Variants in ENOX2 observed in about 807,000 individuals in gnomAD.
ENOX2 encodes the protein APK1 antigen.
In ENOX2, 36 loss-of-function variants were observed where a neutral mutation model predicts 45.0. The observed-to-expected ratio is 0.80, with a 90% CI of 0.61 to 1.06. The LOEUF (loss-of-function observed/expected upper bound fraction) is 1.06. ENOX2 is among the 50% of genes least tolerant of loss of function. The probability of loss-of-function intolerance (pLI) is 0.00; values close to 1 mark genes in which losing one functional copy is unlikely to be tolerated. For missense variants in ENOX2, 423 were observed against 462.5 expected (o/e 0.91, Z 0.78); for synonymous variants, 174 against 152.3 (o/e 1.14, Z -1.05).
intron 2 of ENOX2, among the ~76,000 whole-genome samples, chrX:130,889,036 A>G (rs746630522): frequency 7.2e-5 from 8 of 111,674 alleles, no homozygotes; most frequent in Non-Finnish European, 1.3e-4. Context: ...ATCTAAATCC[A>G]CAAGGTAAAA....
In ENOX2 at chrX:130,799,975, GT is replaced by G. The variant is rs1410677603; in HGVS notation, c.-182-16286del. On this transcript the variant is annotated intron_variant, in intron 2 of 14. Coordinates refer to ENST00000394363, the MANE Select transcript of ENOX2 (RefSeq NM_006375.4). ...AGAACATGTAAGGAAGCACAGAACA[GT>G]TTTTTTTTAATGATGTTTAAATACC... 2.2e-4 allele frequency among the ~76,000 whole-genome samples: 24 copies of G among 109,602 alleles called. 1 individual carries two copies. Among genetic ancestry groups the G allele is most frequent in the African/African-American group, 7.6e-4 (23 of 30,281 alleles).
chrX:130,660,916 C>T (rs1474190016), intron 9 of ENOX2, among the ~76,000 whole-genome samples: 1 of 111,995 alleles, frequency 8.9e-6, no homozygotes, highest in Non-Finnish European at 1.9e-5. Flanking sequence ...TCACACACTA[C>T]TCTATAATGG....
At position 130,656,674 on chromosome X, in the gene ENOX2, CATT is replaced by C; in HGVS notation, c.1033_1035del (p.Asn345del). Reference sequence around the variant, plus strand: ...TCTCGCCTGATTCCCATTAATTCATCATTATGAATGTTGCGAATTTCCTAAGGT... The same window carrying C: ...TCTCGCCTGATTCCCATTAATTCATCATGAATGTTGCGAATTTCCTAAGGT... On this transcript the variant is annotated inframe_deletion, in exon 10 of 15. Coordinates refer to ENST00000394363, the MANE Select transcript of ENOX2 (RefSeq NM_006375.4). 1 of 1,141,362 alleles carries C rather than the reference CATT, an allele frequency of 8.8e-7. No individual in the cohort carries two copies. Among genetic ancestry groups the C allele is most frequent in the Non-Finnish European group, 1.2e-6 (1 of 837,678 alleles). The allele number at this position is 1,141,362 out of a possible 1,213,427, so 94.1% of individuals were successfully genotyped here. A position where few individuals can be genotyped will look rare whatever the true frequency, so the allele number is the denominator to read the frequency against.
intron 2 of ENOX2, among the ~76,000 whole-genome samples, chrX:130,848,121 T>C (rs1476351324): frequency 8.9e-6 from 1 of 111,971 alleles, no homozygotes; most frequent in Non-Finnish European, 1.9e-5. Context: ...CACAAACCCC[T>C]AGGTTTTAAA....
intron 2 of ENOX2, among the ~76,000 whole-genome samples, chrX:130,808,903 A>G (rs752904467): frequency 2.8e-4 from 31 of 112,221 alleles, no homozygotes; most frequent in Non-Finnish European, 5.5e-4. Flanking sequence ...TACTAATTTT[A>G]TATCTTTCTT....
chrX:130,705,433 T>A (rs1425074105), intron 3 of ENOX2, among the ~76,000 whole-genome samples: 2 of 112,075 alleles, frequency 1.8e-5, no homozygotes, highest in Admixed American at 9.4e-5. Context: ...AACACAGTAT[T>A]GTTATTTTCA....
intron 2 of ENOX2, among the ~76,000 whole-genome samples, chrX:130,886,572 C>G (rs2078906789): frequency 8.9e-6 from 1 of 112,043 alleles, no homozygotes; most frequent in Admixed American, 9.4e-5. Flanking sequence ...ACTTAAGAAA[C>G]ACTTTTGATC....
At chrX:130,737,765 G>A (rs1308089768) in intron 3 of ENOX2, among the ~76,000 whole-genome samples, 1 of 111,805 alleles carries the variant, frequency 8.9e-6, no homozygotes, top group Non-Finnish European at 1.9e-5. Context: ...GACACCTGAG[G>A]AACAGTCCAC....
chrX:130,624,151 TCCACCAAGCA>T lies in ENOX2; in HGVS notation c.*1153_*1162del, dbSNP rs2035484633. 1 of 110,714 alleles carries T rather than the reference TCCACCAAGCA, an allele frequency of 9.0e-6. No individual in the cohort carries two copies. The highest frequency in any genetic ancestry group is 3.8e-4 in the South Asian group (1 of 2,603). 9.1% of individuals were successfully genotyped at this position (110,714 alleles called of 1,213,427 possible). On this transcript the variant is annotated 3_prime_UTR_variant, in exon 15 of 15. Transcript: ENST00000394363. Reference sequence around the variant, plus strand: ...AAACCTCCATCCTCTCTGTTTACTTTCCACCAAGCAGAAGTTTCTGAATGGTCCACTCACA... The same window carrying T: ...AAACCTCCATCCTCTCTGTTTACTTTGAAGTTTCTGAATGGTCCACTCACA...
At chrX:130,722,138 G>A (rs1274490484) in intron 3 of ENOX2, among the ~76,000 whole-genome samples, 1 of 111,819 alleles carries the variant, frequency 8.9e-6, no homozygotes, top group African/African-American at 3.3e-5. Context: ...GTCAAAGGGG[G>A]TGAGCTGGAA....
chrX:130,624,625 A>G lies in ENOX2; in HGVS notation c.*689T>C, dbSNP rs1311700659. On this transcript the variant is annotated 3_prime_UTR_variant, in exon 15 of 15. Transcript: ENST00000394363. The stretch of plus-strand genomic sequence containing the variant: ...CATGAACACATGCCAGTCATACTGG[A>G]TACTTGCTTTCTGTAAACACATCTA... The G allele has an allele frequency of 8.8e-6, 1 of 113,000 alleles. No individual in the cohort carries two copies. The highest frequency in any genetic ancestry group is 3.2e-5 in the African/African-American group (1 of 31,046). The allele number at this position is 113,000 out of a possible 1,213,427, so 9.3% of individuals were successfully genotyped here. A position where few individuals can be genotyped will look rare whatever the true frequency, so the allele number is the denominator to read the frequency against.
chrX:130,825,240 A>G (rs2077697317), intron 2 of ENOX2, among the ~76,000 whole-genome samples: 1 of 111,718 alleles, frequency 9.0e-6, no homozygotes. Context: ...TAGAGTGAAA[A>G]AAGCAAGTTA....
chrX:130,883,738 C>T (rs2078858355), intron 2 of ENOX2, among the ~76,000 whole-genome samples: 2 of 110,995 alleles, frequency 1.8e-5, no homozygotes, highest in South Asian at 7.8e-4. Flanking sequence ...CCCTTCACTC[C>T]TCTAAAACAC....
chrX:130,768,651 G>C (rs1400849189), intron 3 of ENOX2, among the ~76,000 whole-genome samples: 2 of 111,849 alleles, frequency 1.8e-5, no homozygotes, highest in African/African-American at 6.5e-5. Flanking sequence ...AACCATGAGT[G>C]GCCACAGAAA....
intron 10 of ENOX2, among the ~76,000 whole-genome samples, chrX:130,653,823 G>C (rs2036471079): frequency 8.9e-6 from 1 of 112,376 alleles, no homozygotes; most frequent in African/African-American, 3.2e-5. Flanking sequence ...AAGGAGATTA[G>C]ATTAATATTA....
intron 3 of ENOX2, among the ~76,000 whole-genome samples, chrX:130,739,266 C>T (rs1191695149): frequency 2.7e-5 from 3 of 112,350 alleles, no homozygotes; most frequent in Admixed American, 9.4e-5. Flanking sequence ...GTGAGCCACA[C>T]GATCACGAGG....
chrX:130,706,539 T>G (rs2038041777), intron 3 of ENOX2, among the ~76,000 whole-genome samples: 1 of 112,197 alleles, frequency 8.9e-6, no homozygotes, highest in African/African-American at 3.2e-5. Context: ...ATTGTTATTG[T>G]GTACATGTCT....
At chrX:130,860,025 G>A (rs938577311) in intron 2 of ENOX2, among the ~76,000 whole-genome samples, 3 of 108,516 alleles carry the variant, frequency 2.8e-5, no homozygotes, top group Non-Finnish European at 5.7e-5. Flanking sequence ...GCACGATCTC[G>A]GCTCACTGCA....
intron 3 of ENOX2, among the ~76,000 whole-genome samples, chrX:130,736,599 T>C (rs1311783498): frequency 3.6e-5 from 4 of 111,971 alleles, no homozygotes; most frequent in African/African-American, 1.3e-4. Flanking sequence ...ACAGACAATA[T>C]GACAATTGGT....
Sources: gnomAD v4.1 joint callset for allele counts (sites outside exome capture counted in the v4.1 genomes callset) on GRCh38, gnomAD v4.1.1 for gene constraint, MANE v1.5 for transcripts, NCBI Gene and HGNC (gene_info 2026-07-23, HGNC 2026-07-21) for gene names.